ZNF385D: variants seen among roughly 807,000 people sequenced by gnomAD.
ZNF385D encodes zinc finger protein 659.
ZNF385D carries 15 observed loss-of-function variants against 35.8 expected under a neutral mutation model. The observed-to-expected ratio is 0.42, with a 90% CI of 0.28 to 0.64. ZNF385D has a LOEUF of 0.64. Ranked by LOEUF, ZNF385D falls within the 30% of genes least tolerant of loss-of-function variation. ZNF385D has a pLI of 0.23. For missense variants in ZNF385D, 474 were observed against 494.6 expected (o/e 0.96, Z 0.39); for synonymous variants, 212 against 186.8 (o/e 1.13, Z -1.10).
chr3:21,955,414 A>T (rs1477180554), intron 3 of ZNF385D, among the ~76,000 whole-genome samples: 1 of 152,110 alleles, frequency 6.6e-6, no homozygotes. Flanking sequence ...TCTTGTCTCC[A>T]ATGTTCTTCC....
Position 22,071,349 on chromosome 3 carries a change from C to T in ZNF385D, c.325+97468G>A, listed in dbSNP as rs78319097. Among the ~76,000 whole-genome samples the T allele has an allele frequency of 8.6e-3, 1,306 of 152,152 alleles. 16 individuals are homozygous for T. Among genetic ancestry groups the T allele is most frequent in the African/African-American group, 0.03 (1,251 of 41,528 alleles). On this transcript the variant is annotated intron_variant, in intron 3 of 5. Transcript: ENST00000494108. ...AGCAACCTATCTAAACAGTGAAGAG[C>T]CTAATATTTTTCCCAAAGCAAGAAA...
rs570688418 is a variant in ZNF385D at position 22,313,001 on chromosome 3, C to T, written c.106+59449G>A. On this transcript the variant is annotated intron_variant, in intron 2 of 5. Coordinates refer to the ZNF385D transcript ENST00000494108. ...ACAATAGCAAAGACTTGGAACCAAC[C>T]CAAATGTCCAACGATAGACTGGATT... is the stretch of plus-strand genomic sequence containing the variant. Among the ~76,000 whole-genome samples, 8 of 151,154 alleles carry T rather than the reference C, an allele frequency of 5.3e-5. No individual in the cohort carries two copies. The South Asian group carries it at 1.1e-3, about 20-fold the overall frequency.
At chr3:21,747,243 G>T (rs1327411214) in intron 1 of ZNF385D, among the ~76,000 whole-genome samples, 1 of 152,008 alleles carries the variant, frequency 6.6e-6, no homozygotes, top group Non-Finnish European at 1.5e-5. Context: ...CTTTTCTCTA[G>T]GTTTAATTAA....
At chr3:22,212,010 T>C (rs890423617) in intron 2 of ZNF385D, among the ~76,000 whole-genome samples, 30 of 152,066 alleles carry the variant, frequency 2.0e-4, no homozygotes, top group African/African-American at 6.8e-4. Context: ...GATATGTGAC[T>C]ATAATTCACA....
intron 4 of ZNF385D, among the ~76,000 whole-genome samples, chr3:21,471,342 T>A (rs1228461049): frequency 7.5e-5 from 11 of 146,328 alleles, no homozygotes; most frequent in Non-Finnish European, 1.0e-4. Context: ...CACACCTTGG[T>A]GATGGCTGTT....
At chr3:22,114,720 T>C (rs1484215712) in intron 3 of ZNF385D, among the ~76,000 whole-genome samples, 1 of 152,086 alleles carries the variant, frequency 6.6e-6, no homozygotes, top group African/African-American at 2.4e-5. Flanking sequence ...TGAATAGTTA[T>C]TAGTAAATTG....
chr3:21,604,393 G>T (rs933649733), intron 2 of ZNF385D, among the ~76,000 whole-genome samples: 4 of 152,160 alleles, frequency 2.6e-5, no homozygotes, highest in Admixed American at 2.6e-4. Context: ...TTGGTTTTTG[G>T]TTTTTAAGCT....
At chr3:21,612,250 A>C (rs2064704952) in intron 2 of ZNF385D, among the ~76,000 whole-genome samples, 1 of 151,922 alleles carries the variant, frequency 6.6e-6, no homozygotes, top group Admixed American at 6.6e-5. Context: ...ATGCCCCGCT[A>C]ATTTTTTTTA....
At chr3:21,645,689 C>T (rs946421327) in intron 2 of ZNF385D, among the ~76,000 whole-genome samples, 16 of 152,088 alleles carry the variant, frequency 1.1e-4, no homozygotes, top group African/African-American at 3.1e-4. Context: ...CACCATGGCT[C>T]GCTGTCAGCC....
chr3:21,634,335 G>A (rs1441554124), intron 2 of ZNF385D, among the ~76,000 whole-genome samples: 1 of 148,940 alleles, frequency 6.7e-6, no homozygotes, highest in East Asian at 2.0e-4. Context: ...AGGAAGGAAG[G>A]GAGAGAGGAA....
At chr3:21,427,048 A>G (rs1486870961) in intron 5 of ZNF385D, among the ~76,000 whole-genome samples, 1 of 152,198 alleles carries the variant, frequency 6.6e-6, no homozygotes, top group Non-Finnish European at 1.5e-5. Flanking sequence ...ACGTGGAACC[A>G]GAGAACTGCT....
rs1699261072 is a variant in ZNF385D at position 21,898,739 on chromosome 3, A to G, written c.326-233711T>C. On this transcript the variant is annotated intron_variant, in intron 3 of 5. Coordinates refer to the ZNF385D transcript ENST00000494108. ...TGTTTTCTGGACTGATTGATGAAGC[A>G]ACTCAATTATGACAAGTTTTCCCTG... Among the ~76,000 whole-genome samples, 3 of 152,134 alleles carry G rather than the reference A, an allele frequency of 2.0e-5. No homozygotes were observed. In the South Asian group the frequency reaches 6.2e-4, roughly 31 times the overall value.
At chr3:22,015,948 A>G (rs1576157643) in intron 3 of ZNF385D, among the ~76,000 whole-genome samples, 1 of 152,218 alleles carries the variant, frequency 6.6e-6, no homozygotes, top group East Asian at 1.9e-4. Context: ...CTGTGGGAGC[A>G]TATGATTTTT....
intron 2 of ZNF385D, among the ~76,000 whole-genome samples, chr3:21,605,091 G>A (rs1419059104): frequency 6.6e-6 from 1 of 152,172 alleles, no homozygotes; most frequent in East Asian, 1.9e-4. Flanking sequence ...CTTCTTAGTA[G>A]AAGAAATGAA....
chr3:22,149,964 TA>T (rs1705113694), intron 3 of ZNF385D, among the ~76,000 whole-genome samples: 1 of 152,204 alleles, frequency 6.6e-6, no homozygotes, highest in African/African-American at 2.4e-5. Flanking sequence ...TTCCATGTTT[TA>T]ATATTGAATT....
Position 21,682,215 on chromosome 3 carries a change from T to TTAAAAAATCTTTAATA in ZNF385D, c.23-17188_23-17187insTATTAAAGATTTTTTA, listed in dbSNP as rs1553636604. Among the ~76,000 whole-genome samples, 11 of 151,060 alleles carry TTAAAAAATCTTTAATA rather than the reference T, an allele frequency of 7.3e-5. 1 individual carries two copies. Among genetic ancestry groups the TTAAAAAATCTTTAATA allele is most frequent in the African/African-American group, 2.7e-4 (11 of 41,114 alleles). On this transcript the variant is annotated intron_variant, in intron 1 of 7. Coordinates refer to ENST00000281523, the MANE Select transcript of ZNF385D (RefSeq NM_024697.3). ...TTGGCAGGTTGGTTTGTTTTTAGTT[T>TTAAAAAATCTTTAATA]AGCTTTGTCCTTTTAAGTTAGAAGC...
At chr3:21,544,018 T>C (rs1575141099) in intron 3 of ZNF385D, among the ~76,000 whole-genome samples, 1 of 152,200 alleles carries the variant, frequency 6.6e-6, no homozygotes, top group Admixed American at 6.5e-5. Context: ...TAGTGTGTGA[T>C]GTCCGTAAAA....
At chr3:21,433,808 T>C (rs1701416458) in intron 5 of ZNF385D, among the ~76,000 whole-genome samples, 1 of 152,196 alleles carries the variant, frequency 6.6e-6, no homozygotes, top group African/African-American at 2.4e-5. Flanking sequence ...AAACAATTAA[T>C]GTGGTTACCA....
intron 3 of ZNF385D, among the ~76,000 whole-genome samples, chr3:21,990,176 T>C (rs77086292): frequency 0.047 from 7,095 of 152,316 alleles, 180 homozygotes; most frequent in Middle Eastern, 0.071. Context: ...TTATTTTCTT[T>C]GAAAAGAAGA....
Sources: gnomAD v4.1 joint callset for allele counts (sites outside exome capture counted in the v4.1 genomes callset) on GRCh38, gnomAD v4.1.1 for gene constraint, MANE v1.5 for transcripts, NCBI Gene and HGNC (gene_info 2026-07-23, HGNC 2026-07-21) for gene names.